MICAL3: variants seen among roughly 807,000 people sequenced by gnomAD.
The protein encoded by MICAL3 is microtubule associated monooxygenase, calponin and LIM domain containing 3.
A neutral mutation model predicts 207.4 loss-of-function variants in MICAL3; 62 were observed. The observed-to-expected ratio is 0.30, with a 90% CI of 0.24 to 0.37. The LOEUF (loss-of-function observed/expected upper bound fraction) is 0.37. Ranked by LOEUF, MICAL3 falls within the 10% of genes least tolerant of loss-of-function variation. MICAL3 has a pLI of 1.00. For missense variants in MICAL3, 2,368 were observed against 2,635.6 expected, an observed-to-expected ratio of 0.90 and a Z score of 2.22; for synonymous variants, 1,077 against 1,069.3, an observed-to-expected ratio of 1.01 and a Z score of -0.14.
At chr22:17,973,036 C>A (rs1179307717) in intron 1 of MICAL3, among the ~76,000 whole-genome samples, 1 of 152,244 alleles carries the variant, frequency 6.6e-6, no homozygotes, top group Non-Finnish European at 1.5e-5. Context: ...CTCAGCCATG[C>A]CCAATAGTTC....
rs766253401 is a variant in MICAL3, at chr22:17,887,413, C to T, written c.1914G>A (p.Glu638=). ...PSSDTLDLNA[E]EKAVLIASTR... ...TGCTGGCTATCAGGACTGCTTTCTC[C>T]TCGGCATTTAGGTCCAAGGTGTCTG... Residue 638 remains glutamate (E), a synonymous_variant, in exon 14 of 32, where the codon GAG becomes GAA. Coordinates refer to ENST00000441493, the MANE Select transcript of MICAL3 (RefSeq NM_015241.3). 3 of 1,613,596 alleles carry T rather than the reference C, an allele frequency of 1.9e-6. No individual in the cohort carries two copies. Among genetic ancestry groups the T allele is most frequent in the Admixed American group, 1.7e-5 (1 of 59,988 alleles).
chr22:17,831,286 A>AGATG (rs1922779664), intron 21 of MICAL3, among the ~76,000 whole-genome samples: 1 of 152,106 alleles, frequency 6.6e-6, no homozygotes, highest in African/African-American at 2.4e-5. Flanking sequence ...ACACACCCAG[A>AGATG]GATGGGGCAG....
intron 29 of MICAL3, among the ~76,000 whole-genome samples, chr22:17,797,229 C>T (rs372768626): frequency 3.7e-4 from 56 of 152,264 alleles, no homozygotes; most frequent in Admixed American, 6.5e-4. Flanking sequence ...CTCGGAGGTA[C>T]GGGGGCTCAC....
chr22:17,907,372 C>G (rs915636798), intron 1 of MICAL3, among the ~76,000 whole-genome samples: 1 of 152,150 alleles, frequency 6.6e-6, no homozygotes, highest in Non-Finnish European at 1.5e-5. Flanking sequence ...AAGGATAACT[C>G]CCAGGTTTCC....
At chr22:17,842,989 C>G (rs1016193017) in intron 19 of MICAL3, among the ~76,000 whole-genome samples, 1 of 152,002 alleles carries the variant, frequency 6.6e-6, no homozygotes, top group East Asian at 1.9e-4. Flanking sequence ...GGCACGGTGG[C>G]GGGCGCCTGT....
intron 1 of MICAL3, among the ~76,000 whole-genome samples, chr22:17,931,113 C>T (rs1933241000): frequency 6.6e-6 from 1 of 152,222 alleles, no homozygotes; most frequent in Admixed American, 6.5e-5. Context: ...TCCCCACCAT[C>T]TGGACCCCCA....
At chr22:17,940,440 A>C (rs1933754488) in intron 1 of MICAL3, among the ~76,000 whole-genome samples, 1 of 152,214 alleles carries the variant, frequency 6.6e-6, no homozygotes, top group South Asian at 2.1e-4. Flanking sequence ...AGAAGGAAAA[A>C]GAAGGAATAA....
intron 27 of MICAL3, chr22:17,813,505 T>G (rs2062070726): frequency 2.0e-5 from 3 of 152,282 alleles, no homozygotes; most frequent in Admixed American, 2.0e-4. Flanking sequence ...CTGCCTCAGG[T>G]GGACCCACCT....
chr22:17,862,818 C>G (rs1263870369), intron 19 of MICAL3: 1 of 985,396 alleles, frequency 1.0e-6, no homozygotes, highest in African/African-American at 1.7e-5. Context: ...GGGTAAGCCC[C>G]TCAGCCCTGA....
chr22:17,971,847 AGG>A (rs1376060478), intron 1 of MICAL3, among the ~76,000 whole-genome samples: 3 of 152,240 alleles, frequency 2.0e-5, no homozygotes, highest in Non-Finnish European at 4.4e-5. Context: ...CAGGGAAAGG[AGG>A]AGCTTGCTCC....
intron 1 of MICAL3, among the ~76,000 whole-genome samples, chr22:17,951,917 G>A (rs566906718): frequency 3.1e-4 from 47 of 151,998 alleles, no homozygotes; most frequent in Admixed American, 8.5e-4. Context: ...GGCTGGTCTC[G>A]AACTCCTGGC....
chr22:17,950,894 G>T (rs973230583), intron 1 of MICAL3, among the ~76,000 whole-genome samples: 1 of 152,280 alleles, frequency 6.6e-6, no homozygotes, highest in Admixed American at 6.5e-5. Context: ...ACAGCCTCTC[G>T]CCAAAGAATG....
intron 11 of MICAL3, among the ~76,000 whole-genome samples, chr22:17,892,443 T>C (rs1930470230): frequency 6.6e-6 from 1 of 152,244 alleles, no homozygotes; most frequent in Non-Finnish European, 1.5e-5. Flanking sequence ...CTGAAGTTTG[T>C]ACTAAGTCAT....
rs1031522341 is a variant in MICAL3 at position 17,793,217 on chromosome 22, T to C, written c.5651-1916A>G. 1.3e-5 allele frequency among the ~76,000 whole-genome samples: 2 copies of C among 152,070 alleles called. No homozygotes were observed. The highest frequency in any genetic ancestry group is 4.8e-5 in the African/African-American group (2 of 41,382). On this transcript the variant is annotated intron_variant, in intron 29 of 31. Transcript: ENST00000441493. This position sits in a 1 kb window ranked among gnomAD's most constrained non-coding sequence, Gnocchi z 4.1. ...CCCCCCACATGCCTTTCAACGACAATCTTATCACCACAACAGACTTCAAAT... is the reference window on the plus strand; with the variant it reads ...CCCCCCACATGCCTTTCAACGACAACCTTATCACCACAACAGACTTCAAAT...
At chr22:17,942,071 C>T (rs560398989) in intron 1 of MICAL3, among the ~76,000 whole-genome samples, 2 of 152,324 alleles carry the variant, frequency 1.3e-5, no homozygotes, top group East Asian at 1.9e-4. Context: ...CTCAAGGAAA[C>T]GACTTGCCTA....
At chr22:17,881,216 C>T (rs1485686099) in intron 16 of MICAL3, 11 of 1,612,544 alleles carry the variant, frequency 6.8e-6, no homozygotes, top group Non-Finnish European at 8.5e-6. Context: ...TGCTGGCCGC[C>T]ATGTGCCCGA....
At chr22:17,863,636 G>T (rs1926756370) in intron 19 of MICAL3, 1 of 985,492 alleles carries the variant, frequency 1.0e-6, no homozygotes, top group Non-Finnish European at 1.2e-6. Flanking sequence ...GGCACGTGCA[G>T]TAGCAGAAGC....
intron 1 of MICAL3, among the ~76,000 whole-genome samples, chr22:18,018,132 C>G (rs1924189338): frequency 6.6e-6 from 1 of 152,040 alleles, no homozygotes; most frequent in Admixed American, 6.6e-5. Flanking sequence ...CCTCGGCCTC[C>G]CAAATTGCTG....
intron 3 of MICAL3, among the ~76,000 whole-genome samples, chr22:17,903,263 A>T (rs1177384477): frequency 3.9e-5 from 6 of 152,180 alleles, no homozygotes; most frequent in African/African-American, 1.4e-4. Flanking sequence ...TCCTCCTACC[A>T]TTCCCCCTCC....
Sources: allele counts gnomAD v4.1 joint callset (sites outside exome capture counted in the v4.1 genomes callset), GRCh38; gene constraint gnomAD v4.1.1; non-coding constraint Gnocchi (gnomAD v3.1); transcripts MANE v1.5; gene names NCBI Gene and HGNC (gene_info 2026-07-23, HGNC 2026-07-21).